PTPRO: variants seen among roughly 807,000 people sequenced by gnomAD.
PTPRO encodes the protein receptor-type tyrosine-protein phosphatase O.
A neutral mutation model predicts 145.2 loss-of-function variants in PTPRO; 62 were observed. The observed-to-expected ratio is 0.43, with a 90% CI of 0.35 to 0.53. PTPRO has a LOEUF of 0.53. Among genes scored for constraint, PTPRO ranks in the 20% least tolerant of loss-of-function variants. The probability of loss-of-function intolerance (pLI) is 0.01; values close to 1 mark genes in which losing one functional copy is unlikely to be tolerated. For synonymous variants in PTPRO, 565 were observed against 514.7 expected (o/e 1.10, Z -1.32); for missense variants, 1,345 against 1,482.7 (o/e 0.91, Z 1.53).
intron 12 of PTPRO, among the ~76,000 whole-genome samples, chr12:15,531,904 C>T (rs1190463851): frequency 1.3e-5 from 2 of 152,146 alleles, no homozygotes; most frequent in African/African-American, 4.8e-5. Flanking sequence ...CTCAAGCCAT[C>T]TCTGTTATTA....
chr12:15,554,371 T>C (rs930311699), intron 15 of PTPRO, among the ~76,000 whole-genome samples: 1 of 151,686 alleles, frequency 6.6e-6, no homozygotes, highest in African/African-American at 2.4e-5. Flanking sequence ...TAGTAGTATA[T>C]ATATATCCTA....
At chr12:15,531,481 A>T (rs1387711589) in intron 12 of PTPRO, among the ~76,000 whole-genome samples, 1 of 152,218 alleles carries the variant, frequency 6.6e-6, no homozygotes, top group African/African-American at 2.4e-5. Context: ...ATATTATGAC[A>T]TACAGCTGGA....
At chr12:15,417,901 T>G (rs1191706937) in intron 1 of PTPRO, among the ~76,000 whole-genome samples, 1 of 151,758 alleles carries the variant, frequency 6.6e-6, no homozygotes, top group Non-Finnish European at 1.5e-5. Flanking sequence ...CTCTCAACAG[T>G]GCTGGGAGTG....
At chr12:15,514,528 T>C (rs2136498730) in intron 7 of PTPRO, among the ~76,000 whole-genome samples, 1 of 151,348 alleles carries the variant, frequency 6.6e-6, no homozygotes. Flanking sequence ...TACAATATTA[T>C]TTTAGGGGGC....
intron 1 of PTPRO, among the ~76,000 whole-genome samples, chr12:15,483,322 C>T (rs1271561346): frequency 6.6e-6 from 1 of 152,080 alleles, no homozygotes; most frequent in Non-Finnish European, 1.5e-5. Context: ...AGACTTGGAG[C>T]AAAGTTTTTA....
chr12:15,518,217 A>G (rs987084901), intron 9 of PTPRO, among the ~76,000 whole-genome samples: 3 of 151,836 alleles, frequency 2.0e-5, no homozygotes, highest in Admixed American at 6.5e-5. Context: ...CTCTGAAGCC[A>G]CCAAGCCTTG....
At chr12:15,492,572 A>T (rs1287237062) in intron 2 of PTPRO, among the ~76,000 whole-genome samples, 7 of 152,108 alleles carry the variant, frequency 4.6e-5, no homozygotes, top group Admixed American at 2.0e-4. Flanking sequence ...AAATAAAAAC[A>T]TATAGAATAA....
At chr12:15,575,707 A>G (rs545767775) in intron 19 of PTPRO, among the ~76,000 whole-genome samples, 7 of 152,218 alleles carry the variant, frequency 4.6e-5, no homozygotes, top group Admixed American at 2.0e-4. Flanking sequence ...GTGGTTTAAA[A>G]CAACAGAAAC....
intron 1 of PTPRO, chr12:15,410,680 A>C (rs934293181): frequency 6.6e-6 from 1 of 152,196 alleles, no homozygotes; most frequent in Non-Finnish European, 1.5e-5. Context: ...TAAAATTTGC[A>C]TCCTAATGAA....
chr12:15,585,009 C>A (rs1476823251), intron 23 of PTPRO, among the ~76,000 whole-genome samples: 1 of 152,102 alleles, frequency 6.6e-6, no homozygotes, highest in Admixed American at 6.5e-5. Flanking sequence ...GTGTTTGTTG[C>A]CAGGGACTTT....
At chr12:15,420,148 G>GAAAAAAAAAAAAAAAAAAAAAAA in intron 1 of PTPRO, among the ~76,000 whole-genome samples, 1 of 81,712 alleles carries the variant, frequency 1.2e-5, no homozygotes, top group Non-Finnish European at 2.3e-5. Flanking sequence ...CTCCGACTCA[G>GAAAAAAAAAAAAAAAAAAAAAAA]AAAAAAAAAA....
rs369720581 is a variant in PTPRO at position 15,524,827 on chromosome 12, G to A, written c.1905G>A (p.Pro635=). The A allele has an allele frequency of 2.9e-5, 47 of 1,613,180 alleles. No individual in the cohort carries two copies. Among genetic ancestry groups the A allele is most frequent in the East Asian group, 6.7e-5 (3 of 44,860 alleles). The change falls in exon 11 of 27, where the codon CCG becomes CCA. Residue 635 remains proline, a synonymous_variant. Coordinates refer to ENST00000281171, the MANE Select transcript of PTPRO (RefSeq NM_030667.3). The stretch of plus-strand genomic sequence containing the variant: ...TCTCCCTTGTAGCCCCAGTGGCTCC[G>A]GAAATCACTTCTGTGGAATATTTCA... ...TISFITAPVA[P]EITSVEYFNS... is the part of the protein sequence containing the mutation.
At chr12:15,422,022 C>T (rs908516613) in intron 1 of PTPRO, among the ~76,000 whole-genome samples, 7 of 151,574 alleles carry the variant, frequency 4.6e-5, no homozygotes, top group Admixed American at 1.3e-4. Context: ...ATATGAAGCT[C>T]GCCCATTTAA....
chr12:15,571,249 A>G (rs756369345), intron 19 of PTPRO, among the ~76,000 whole-genome samples: 1 of 151,636 alleles, frequency 6.6e-6, no homozygotes, highest in Non-Finnish European at 1.5e-5. Context: ...GTTTGTGTTC[A>G]GTGAAACAAC....
chr12:15,572,697 A>C (rs1944082365), intron 19 of PTPRO, among the ~76,000 whole-genome samples: 1 of 152,172 alleles, frequency 6.6e-6, no homozygotes, highest in South Asian at 2.1e-4. Context: ...TGTGTATTTA[A>C]AAAATAATCA....
At chr12:15,398,568 T>A (rs1223444114) in intron 1 of PTPRO, among the ~76,000 whole-genome samples, 1 of 152,178 alleles carries the variant, frequency 6.6e-6, no homozygotes, top group African/African-American at 2.4e-5. Context: ...ACAGAGTGTT[T>A]TGAGAATCAA....
chr12:15,331,962 CTTT>C (rs200334215), intron 1 of PTPRO, among the ~76,000 whole-genome samples: 69 of 118,266 alleles, frequency 5.8e-4, no homozygotes, highest in African/African-American at 1.8e-3. Flanking sequence ...CTCTTTCTTT[CTTT>C]TTTTTTTTTT....
chr12:15,331,510 A>G (rs1866608964), intron 1 of PTPRO, among the ~76,000 whole-genome samples: 1 of 152,230 alleles, frequency 6.6e-6, no homozygotes, highest in Non-Finnish European at 1.5e-5. Context: ...TCTCTTATAC[A>G]TATGTCTTAG....
intron 1 of PTPRO, among the ~76,000 whole-genome samples, chr12:15,351,008 A>C (rs1334212816): frequency 6.6e-6 from 1 of 152,174 alleles, no homozygotes; most frequent in Non-Finnish European, 1.5e-5. Flanking sequence ...GGCCTTGAAA[A>C]ACAAAATGGA....
Sources: allele counts gnomAD v4.1 joint callset (sites outside exome capture counted in the v4.1 genomes callset), GRCh38; gene constraint gnomAD v4.1.1; transcripts MANE v1.5; gene names NCBI Gene and HGNC (gene_info 2026-07-23, HGNC 2026-07-21).